TTLL9: variants seen among roughly 807,000 people sequenced by gnomAD.
TTLL9 encodes probable tubulin polyglutamylase TTLL9.
In TTLL9, 47 loss-of-function variants were observed where a neutral mutation model predicts 65.6. The ratio of observed to expected loss-of-function variants is 0.72; its 90% confidence interval spans 0.57 to 0.91. TTLL9 has a LOEUF of 0.91. TTLL9 is among the 40% of genes least tolerant of loss of function. The pLI, the probability that TTLL9 is intolerant of heterozygous loss-of-function variation, is 0.00. For missense variants in TTLL9, 537 were observed against 568.8 expected (o/e 0.94, Z 0.57); for synonymous variants, 179 against 204.8 (o/e 0.87, Z 1.07).
intron 6 of TTLL9, among the ~76,000 whole-genome samples, chr20:31,916,827 C>G (rs1460309915): frequency 1.2e-4 from 18 of 152,208 alleles, no homozygotes; most frequent in Non-Finnish European, 2.6e-4. Flanking sequence ...ATATTTTTAA[C>G]AAGGAGAAAC....
intron 2 of TTLL9, chr20:31,879,960 G>A (rs906027985): frequency 1.4e-5 from 18 of 1,280,400 alleles, no homozygotes; most frequent in Non-Finnish European, 1.7e-5. Context: ...AAGCAGCAGA[G>A]GGATTCAAAA....
rs146165110 is a variant in TTLL9 at position 31,926,115 on chromosome 20, C to G, written c.748+24C>G. ...GGGTATGAGATAGGTCTGGTCCCTT[C>G]CCTCCGGGAGCTTCCAGTTTTGTGG... On this transcript the variant is annotated intron_variant, in intron 10 of 14. Coordinates refer to ENST00000535842, the MANE Select transcript of TTLL9 (RefSeq NM_001008409.5). 312 of 1,532,266 alleles carry G rather than the reference C, an allele frequency of 2.0e-4. No homozygotes were observed. The African/African-American group carries it at 3.9e-3, about 19-fold the overall frequency. The allele number at this position is 1,532,266 out of a possible 1,614,324, so 94.9% of individuals were successfully genotyped here.
At chr20:31,897,546 C>G (rs2063404850) in intron 3 of TTLL9, among the ~76,000 whole-genome samples, 1 of 152,202 alleles carries the variant, frequency 6.6e-6, no homozygotes, top group Non-Finnish European at 1.5e-5. Context: ...TCTAGGCCCC[C>G]TTTAACATCA....
Position 31,924,956 on chromosome 20 carries a change from A to G in TTLL9, c.665-53A>G. ...TGCTATTTTCCCAAAACCTAGCACA[A>G]TGTCTGACGATCAATATTTGTTGCA... On this transcript the variant is annotated intron_variant, in intron 8 of 14. Coordinates refer to ENST00000535842, the MANE Select transcript of TTLL9 (RefSeq NM_001008409.5). 5 of 1,604,140 alleles carry G rather than the reference A, an allele frequency of 3.1e-6. No individual in the cohort carries two copies. In the South Asian group the frequency reaches 5.6e-5, roughly 18 times the overall value.
chr20:31,878,374 T>G (rs2063066161), intron 2 of TTLL9, among the ~76,000 whole-genome samples: 1 of 152,272 alleles, frequency 6.6e-6, no homozygotes, highest in Non-Finnish European at 1.5e-5. Flanking sequence ...AGGCAGGTAC[T>G]CTAGTCCTAG....
chr20:31,879,843 C>T lies in TTLL9; in HGVS notation c.70-7353C>T, dbSNP rs943453413. On this transcript the variant is annotated intron_variant, in intron 2 of 14. Transcript: ENST00000535842. Reference sequence around the variant, plus strand: ...ACGGGACGCATAAGCACGCGAGGCGCGCGGTGGCGGTTTGGATCTGGCCCC... The same window carrying T: ...ACGGGACGCATAAGCACGCGAGGCGTGCGGTGGCGGTTTGGATCTGGCCCC... The T allele has an allele frequency of 3.2e-6, 5 of 1,549,900 alleles. No homozygotes were observed. In the Admixed American group the frequency reaches 7.8e-5, roughly 24 times the overall value.
chr20:31,889,716 G>A lies in TTLL9; in HGVS notation c.113+2477G>A, dbSNP rs912338569. 5.4e-5 allele frequency among the ~76,000 whole-genome samples: 8 copies of A among 149,172 alleles called. 1 individual carries two copies. The Middle Eastern group carries it at 0.01, about 194-fold the overall frequency. ...GTTACAGGTGTGAGCCACGGTGCCCGGCCTAGCTAATTTTTTTAATTTTTT... is the reference window on the plus strand; with the variant it reads ...GTTACAGGTGTGAGCCACGGTGCCCAGCCTAGCTAATTTTTTTAATTTTTT... On this transcript the variant is annotated intron_variant, in intron 3 of 14. Transcript: ENST00000535842.
At chr20:31,916,470 T>C (rs1417647049) in intron 6 of TTLL9, among the ~76,000 whole-genome samples, 7 of 152,224 alleles carry the variant, frequency 4.6e-5, no homozygotes, top group African/African-American at 1.7e-4. Flanking sequence ...TTTCATTCTT[T>C]AGGGTTAGTC....
intron 3 of TTLL9, among the ~76,000 whole-genome samples, chr20:31,898,120 G>T (rs1354515043): frequency 6.6e-6 from 1 of 152,158 alleles, no homozygotes; most frequent in South Asian, 2.1e-4. Flanking sequence ...ATCAGTAGGA[G>T]GAATAGGAAA....
intron 2 of TTLL9, chr20:31,872,870 T>C: frequency 2.3e-6 from 1 of 433,338 alleles, no homozygotes; most frequent in Non-Finnish European, 4.6e-6. Flanking sequence ...GGCCGGAGCA[T>C]GCAGGAGCAC....
Position 31,934,821 on chromosome 20 carries a change from A to G in TTLL9, c.937A>G (p.Ile313Val), listed in dbSNP as rs773006116. The change falls in exon 12 of 15, where the codon ATC (isoleucine) becomes GTC (valine). Residue 313 changes from isoleucine (I) to valine (V), a missense_variant. Ile to Val is a conservative substitution (Grantham distance 29, BLOSUM62 3). Transcript: ENST00000535842. ...AAGCCTGCAGAGTGTGCAGAAGGTG[A>G]TCATCAGTGACAAGCACTGCTTCGA... ...VKSLQSVQKV[I>V]ISDKHCFELY... is the part of the protein sequence containing the mutation. The G allele has an allele frequency of 2.4e-5, 38 of 1,614,056 alleles. No homozygotes were observed. The highest frequency in any genetic ancestry group is 3.1e-5 in the Non-Finnish European group (37 of 1,180,028).
chr20:31,903,548 C>A (rs2063507890), intron 4 of TTLL9, among the ~76,000 whole-genome samples: 2 of 152,098 alleles, frequency 1.3e-5, no homozygotes, highest in South Asian at 4.1e-4. Context: ...AAACCATTGC[C>A]TAATCCAAGG....
chr20:31,925,196 T>G, intron 9 of TTLL9, 147 bp downstream of exon 9: 1 of 806,864 alleles, frequency 1.2e-6, no homozygotes, highest in Non-Finnish European at 1.9e-6. Context: ...CATCTAGGGA[T>G]AGGGTGGGGG....
intron 12 of TTLL9, among the ~76,000 whole-genome samples, chr20:31,937,057 C>T (rs935769107): frequency 2.8e-5 from 4 of 143,250 alleles, no homozygotes; most frequent in Middle Eastern, 3.8e-3. Flanking sequence ...GAGATCATGC[C>T]ATTGCACTCC....
intron 7 of TTLL9, among the ~76,000 whole-genome samples, chr20:31,921,107 A>G (rs2063810141): frequency 6.6e-6 from 1 of 152,212 alleles, no homozygotes; most frequent in African/African-American, 2.4e-5. Context: ...TGCGGTGACC[A>G]CTAGCCACAT....
chr20:31,878,286 CTA>C (rs956918413), intron 2 of TTLL9, among the ~76,000 whole-genome samples: 1 of 152,212 alleles, frequency 6.6e-6, no homozygotes, highest in Non-Finnish European at 1.5e-5. Flanking sequence ...TGATGGACAT[CTA>C]TTTCAGAAGG....
At chr20:31,874,797 C>G (rs1223232565) in intron 2 of TTLL9, among the ~76,000 whole-genome samples, 1 of 151,996 alleles carries the variant, frequency 6.6e-6, no homozygotes, top group African/African-American at 2.4e-5. Flanking sequence ...AAGAGGGAGG[C>G]AGGAGAGTAG....
At chr20:31,878,359 A>G (rs576188915) in intron 2 of TTLL9, among the ~76,000 whole-genome samples, 1 of 152,384 alleles carries the variant, frequency 6.6e-6, no homozygotes, top group South Asian at 2.1e-4. Flanking sequence ...GTATGAAGCT[A>G]GAAGAGGCAG....
At chr20:31,932,489 C>A (rs1213026556) in intron 10 of TTLL9, among the ~76,000 whole-genome samples, 3 of 98,642 alleles carry the variant, frequency 3.0e-5, no homozygotes, top group African/African-American at 5.1e-5. Context: ...AAAAAAAGGT[C>A]TAAAGAAGAC....
Sources: gnomAD v4.1 joint callset for allele counts (sites outside exome capture counted in the v4.1 genomes callset) on GRCh38, gnomAD v4.1.1 for gene constraint, MANE v1.5 for transcripts, NCBI Gene and HGNC (gene_info 2026-07-23, HGNC 2026-07-21) for gene names.